The following DCHS2 variants were observed in gnomAD, a reference collection of about 807,000 sequenced individuals.
The protein encoded by DCHS2 is protocadherin-23.
In DCHS2, 142 loss-of-function variants were observed where a neutral mutation model predicts 182.4. The ratio of observed to expected loss-of-function variants is 0.78; its 90% CI spans 0.68 to 0.89. DCHS2 has a LOEUF of 0.89. Among genes scored for constraint, DCHS2 ranks in the 40% least tolerant of loss-of-function variants. The probability of loss-of-function intolerance (pLI) is 0.00; values close to 1 mark genes in which losing one functional copy is unlikely to be tolerated. For missense variants in DCHS2, 4,319 were observed against 4,198.6 expected (o/e 1.03, Z -0.79); for synonymous variants, 1,740 against 1,663.3 (o/e 1.05, Z -1.12).
intron 13 of DCHS2, among the ~76,000 whole-genome samples, chr4:154,272,497 G>C (rs1481893603): frequency 2.0e-5 from 3 of 151,992 alleles, no homozygotes; most frequent in Admixed American, 2.0e-4. Flanking sequence ...GGGATCATGG[G>C]GGCACTTTCC....
rs72966165 is a variant in DCHS2, at chr4:154,332,919, G to C, written c.3289C>G (p.Leu1097Val). The C allele has an allele frequency of 6.2e-5, 100 of 1,614,240 alleles. No individual in the cohort carries two copies. The African/African-American group carries it at 9.3e-4, about 15-fold the overall frequency. The change falls in exon 5 of 20, where the codon CTC becomes GTC. Residue 1097 changes from leucine to valine, a missense_variant. Coordinates refer to ENST00000357232, the MANE Select transcript of DCHS2 (RefSeq NM_001358235.2). ...LVYQVEVSES[L>V]SPMTQMLQTQ... The stretch of plus-strand genomic sequence containing the variant: ...TGCAGCATTTGTGTCATCGGTGAGA[G>C]AGACTCACTGACTTCCACTTGATAG...
Position 154,320,653 on chromosome 4 carries a change from A to C in DCHS2, c.4746T>G (p.Thr1582=). The part of the protein sequence containing the change: ...VSRLDRESIP[T]VILTVTASDQ... Reference sequence around the variant, plus strand: ...CAGATGCTGTTACTGTCAGGATGACAGTTGGAATGCTTTCTCTGTCAAGAC... The same window carrying C: ...CAGATGCTGTTACTGTCAGGATGACCGTTGGAATGCTTTCTCTGTCAAGAC... The change falls in exon 9 of 20, where the codon ACT becomes ACG. Residue 1582 remains threonine, a synonymous_variant. Transcript: ENST00000357232. 1 of 1,614,178 alleles carries C rather than the reference A, an allele frequency of 6.2e-7. No homozygotes were observed. Among genetic ancestry groups the C allele is most frequent in the Non-Finnish European group, 8.5e-7 (1 of 1,180,036 alleles).
chr4:154,438,338 C>T (rs1450819502), intron 1 of DCHS2, among the ~76,000 whole-genome samples: 2 of 152,162 alleles, frequency 1.3e-5, no homozygotes, highest in Non-Finnish European at 2.9e-5. Context: ...ACTGTAGAGG[C>T]CAGGCCACTA....
intron 3 of DCHS2, among the ~76,000 whole-genome samples, chr4:154,349,780 C>T (rs749457503): frequency 1.3e-5 from 2 of 152,090 alleles, no homozygotes; most frequent in African/African-American, 4.8e-5. Context: ...AAACGTGTTG[C>T]TACGATTAAC....
intron 13 of DCHS2, among the ~76,000 whole-genome samples, chr4:154,279,177 A>G (rs1404178244): frequency 6.6e-6 from 1 of 152,092 alleles, no homozygotes; most frequent in Non-Finnish European, 1.5e-5. Context: ...GTAAATTGTT[A>G]TAAATATGAT....
intron 9 of DCHS2, among the ~76,000 whole-genome samples, chr4:154,317,129 G>GA (rs1401601405): frequency 3.3e-5 from 5 of 152,208 alleles, no homozygotes; most frequent in South Asian, 2.1e-4. Flanking sequence ...TTTTGTGAGA[G>GA]AAAAAAATCC....
rs550571965 is a variant in DCHS2 at position 154,260,340 on chromosome 4, CT to C, written c.6578-585del. Among the ~76,000 whole-genome samples the C allele has an allele frequency of 3.8e-3, 586 of 152,278 alleles. 1 individual carries two copies. The highest frequency in any genetic ancestry group is 6.1e-3 in the Non-Finnish European group (417 of 68,012). On this transcript the variant is annotated intron_variant, in intron 14 of 19. Coordinates refer to ENST00000357232, the MANE Select transcript of DCHS2 (RefSeq NM_001358235.2). ...AGCTATCTCTCTCCATATTTACCCC[CT>C]GGCCATGTCTGGAAAGTCTATCTTT...
rs771923373 is a variant in DCHS2, at chr4:154,332,583, C to A, written c.3625G>T (p.Val1209Leu). 3.1e-6 allele frequency: 5 copies of A among 1,614,206 alleles called. No homozygotes were observed. The South Asian group carries it at 3.3e-5, about 11-fold the overall frequency. Residue 1209 changes from valine (V) to leucine (L), a missense_variant, in exon 5 of 20, where the codon GTA becomes TTA. Coordinates refer to ENST00000357232, the MANE Select transcript of DCHS2 (RefSeq NM_001358235.2). ...KVEESPVPQG[V>L]IGKITAIDMD... is the part of the protein sequence containing the mutation. ...TCAATAGCTGTAATTTTGCCTATTA[C>A]CCCTTGGGGAACAGGGCTCTCTTCG...
intron 2 of DCHS2, among the ~76,000 whole-genome samples, chr4:154,369,899 G>A (rs767187416): frequency 1.6e-4 from 25 of 152,276 alleles, no homozygotes; most frequent in Middle Eastern, 3.4e-3. Context: ...CAGGAGGGTC[G>A]CCTAGGGCAA....
At chr4:154,244,572 T>C (rs986902798) in intron 16 of DCHS2, among the ~76,000 whole-genome samples, 2 of 152,216 alleles carry the variant, frequency 1.3e-5, no homozygotes, top group Admixed American at 1.3e-4. Flanking sequence ...TCACTTTGTT[T>C]TCATTGTTAG....
chr4:154,244,369 T>A (rs1376694338), intron 16 of DCHS2, among the ~76,000 whole-genome samples: 1 of 152,222 alleles, frequency 6.6e-6, no homozygotes, highest in East Asian at 1.9e-4. Flanking sequence ...TTATTGTGTA[T>A]ATATCACATT....
intron 1 of DCHS2, among the ~76,000 whole-genome samples, chr4:154,383,169 A>G (rs146012329): frequency 1.3e-5 from 2 of 152,362 alleles, no homozygotes; most frequent in Non-Finnish European, 2.9e-5. Context: ...AACAAGAAAA[A>G]TATCATGTCC....
In DCHS2 at chr4:154,377,396, A is replaced by C. The variant is rs762932154; in HGVS notation, c.2101T>G (p.Ser701Ala). 3 of 1,613,504 alleles carry C rather than the reference A, an allele frequency of 1.9e-6. No individual in the cohort carries two copies. Among genetic ancestry groups the C allele is most frequent in the African/African-American group, 1.3e-5 (1 of 74,992 alleles). The change falls in exon 2 of 20, where the codon TCT becomes GCT. Residue 701 changes from serine (S) to alanine (A), a missense_variant. Ser to Ala is a moderately conservative substitution (Grantham distance 99). Transcript: ENST00000357232. The part of the protein sequence containing the change: ...DSGLYGFIEY[S>A]LYDGFLSYEA... ...TAGCTCAGGAATCCATCATAAAGAGAATATTCAATAAAGCCATAGAGTCCT... is the reference window on the plus strand; with the variant it reads ...TAGCTCAGGAATCCATCATAAAGAGCATATTCAATAAAGCCATAGAGTCCT...
chr4:154,472,044 T>C (rs961244998), intron 1 of DCHS2, among the ~76,000 whole-genome samples: 16 of 152,062 alleles, frequency 1.1e-4, no homozygotes, highest in African/African-American at 3.6e-4. Flanking sequence ...GCTATTAAAG[T>C]ACAGCTCTGG....
chr4:154,425,018 G>T (rs893128306), intron 1 of DCHS2, among the ~76,000 whole-genome samples: 1 of 152,226 alleles, frequency 6.6e-6, no homozygotes, highest in African/African-American at 2.4e-5. Flanking sequence ...CTGCACTGCA[G>T]AAAGCAGATT....
At position 154,304,804 on chromosome 4, in the gene DCHS2, C is replaced by G. The variant is rs775311881; in HGVS notation, c.5470G>C (p.Asp1824His). The G allele has an allele frequency of 3.7e-6, 6 of 1,613,744 alleles. No individual in the cohort carries two copies. Among genetic ancestry groups the G allele is most frequent in the Non-Finnish European group, 5.1e-6 (6 of 1,179,894 alleles). Residue 1824 changes from aspartate (D) to histidine (H), a missense_variant, in exon 12 of 20, where the codon GAT becomes CAT. By Grantham distance (81) the Asp-to-His change is moderately conservative (BLOSUM62 -1). Coordinates refer to ENST00000357232, the MANE Select transcript of DCHS2 (RefSeq NM_001358235.2). ...TILCTVEDEN[D>H]HAPEFIVSSY... Reference sequence around the variant, plus strand: ...GAAACAATAAACTCTGGTGCGTGATCGTTTTCATCTTCAACAGTGCAGAGG... The same window carrying G: ...GAAACAATAAACTCTGGTGCGTGATGGTTTTCATCTTCAACAGTGCAGAGG...
intron 16 of DCHS2, among the ~76,000 whole-genome samples, chr4:154,249,939 T>A (rs1185315063): frequency 6.6e-6 from 1 of 152,120 alleles, no homozygotes; most frequent in Non-Finnish European, 1.5e-5. Context: ...ACCTGAGTAC[T>A]GTGCTCACTA....
At chr4:154,300,510 CAAAAAAA>C (rs61371659) in intron 12 of DCHS2, among the ~76,000 whole-genome samples, 2 of 108,160 alleles carry the variant, frequency 1.8e-5, no homozygotes, top group African/African-American at 3.2e-5. Context: ...CTCATCTCTA[CAAAAAAA>C]AAAAAAAAAA....
chr4:154,366,237 A>G lies in DCHS2; in HGVS notation c.2449T>C (p.Ser817Pro), dbSNP rs949482892. Residue 817 changes from serine to proline, a missense_variant, in exon 3 of 20, where the codon TCC becomes CCC. By Grantham distance (74) the Ser-to-Pro change is moderately conservative. Transcript: ENST00000357232. ...AYELIPGNVS[S>P]LFTIDSTTGI... The stretch of plus-strand genomic sequence containing the variant: ...GTGGTGGAGTCAATGGTAAAAAGGG[A>G]CGACACGTTTCCTGGAATAAGCTCA... The G allele has an allele frequency of 6.2e-7, 1 of 1,613,708 alleles. No individual in the cohort carries two copies. Among genetic ancestry groups the G allele is most frequent in the Non-Finnish European group, 8.5e-7 (1 of 1,179,890 alleles).
Sources: gnomAD v4.1 joint callset for allele counts (sites outside exome capture counted in the v4.1 genomes callset) on GRCh38, gnomAD v4.1.1 for gene constraint, MANE v1.5 for transcripts, NCBI Gene and HGNC (gene_info 2026-07-23, HGNC 2026-07-21) for gene names.